GADL1: variants seen among roughly 807,000 people sequenced by gnomAD.
GADL1 encodes acidic amino acid decarboxylase GADL1.
Under a neutral mutation model 69.5 loss-of-function variants are expected in GADL1, and 71 were observed. That is an observed-to-expected ratio of 1.02 (90% confidence interval 0.84 to 1.25). The LOEUF is 1.25. Ranked by LOEUF, GADL1 falls within the 50% of genes most tolerant of loss-of-function variation. The pLI, the probability that GADL1 is intolerant of heterozygous loss-of-function variation, is 0.00. For synonymous variants in GADL1, 254 were observed against 214.4 expected, an observed-to-expected ratio of 1.18 and a Z score of -1.62; for missense variants, 737 against 631.8, an observed-to-expected ratio of 1.17 and a Z score of -1.79.
Position 30,788,082 on chromosome 3 carries a change from T to A in GADL1, c.1251-1676A>T, listed in dbSNP as rs571813755. ...CACAAAGTACCAGATGTTCTACATA[T>A]GCCATTCTCTGAACACTTTTTCAGA... On this transcript the variant is annotated intron_variant, in intron 12 of 14. Coordinates refer to ENST00000282538, the MANE Select transcript of GADL1 (RefSeq NM_207359.3). Among the ~76,000 whole-genome samples the A allele has an allele frequency of 3.9e-4, 59 of 152,326 alleles. 1 individual carries two copies. Among genetic ancestry groups the A allele is most frequent in the African/African-American group, 1.4e-3 (59 of 41,580 alleles).
intron 11 of GADL1, among the ~76,000 whole-genome samples, chr3:30,822,377 C>G (rs886553579): frequency 1.3e-5 from 2 of 151,984 alleles, no homozygotes; most frequent in African/African-American, 2.4e-5. Context: ...GTAATGCAAA[C>G]TGCTGAGCTG....
intron 1 of GADL1, among the ~76,000 whole-genome samples, chr3:30,873,629 A>G (rs1400215557): frequency 3.9e-5 from 6 of 152,018 alleles, no homozygotes; most frequent in Admixed American, 3.9e-4. Flanking sequence ...CAATTAATAT[A>G]TAGTTTTAAA....
intron 13 of GADL1, among the ~76,000 whole-genome samples, chr3:30,780,452 A>G (rs768997164): frequency 5.3e-5 from 8 of 151,984 alleles, no homozygotes; most frequent in Non-Finnish European, 7.4e-5. Context: ...ACTCCTGTTC[A>G]TTTTTAGGTT....
At chr3:30,801,508 C>G (rs988846673) in intron 11 of GADL1, among the ~76,000 whole-genome samples, 4 of 152,022 alleles carry the variant, frequency 2.6e-5, no homozygotes, top group South Asian at 4.2e-4. Flanking sequence ...TTAAGACCTT[C>G]TCTCCTTCAT....
intron 11 of GADL1, among the ~76,000 whole-genome samples, chr3:30,814,650 A>G (rs1054898008): frequency 5.9e-5 from 9 of 152,314 alleles, no homozygotes; most frequent in African/African-American, 2.2e-4. Flanking sequence ...GTGAAGAGAC[A>G]TTCCATAAGA....
chr3:30,833,026 T>A (rs1164093651), intron 11 of GADL1, among the ~76,000 whole-genome samples: 1 of 152,016 alleles, frequency 6.6e-6, no homozygotes, highest in East Asian at 1.9e-4. Context: ...TTAAAAATAG[T>A]TTTCATTTCA....
At chr3:30,768,729 A>C (rs1696347359) in intron 14 of GADL1, among the ~76,000 whole-genome samples, 1 of 152,110 alleles carries the variant, frequency 6.6e-6, no homozygotes, top group African/African-American at 2.4e-5. Flanking sequence ...TTTGAAGTGA[A>C]GAGAAGGAAC....
At chr3:30,855,618 C>G (rs1436089555) in intron 3 of GADL1, among the ~76,000 whole-genome samples, 1 of 151,956 alleles carries the variant, frequency 6.6e-6, no homozygotes, top group African/African-American at 2.4e-5. Flanking sequence ...TTTTTTCCCC[C>G]CTCCTATAAA....
chr3:30,844,614 A>T, intron 6 of GADL1, 148 bp from the exon 7 acceptor site: 1 of 630,066 alleles, frequency 1.6e-6, no homozygotes, highest in Non-Finnish European at 2.8e-6. Flanking sequence ...TGAGCTCCTT[A>T]GCATAGTGGT....
At chr3:30,854,645 A>T (rs757874638) in intron 4 of GADL1, 54 bp downstream of exon 4, 4 of 1,020,472 alleles carry the variant, frequency 3.9e-6, no homozygotes. Flanking sequence ...AATTTCATCT[A>T]CTTAAAGTCT....
intron 11 of GADL1, among the ~76,000 whole-genome samples, chr3:30,814,199 A>G (rs1447724361): frequency 6.6e-6 from 1 of 152,238 alleles, no homozygotes; most frequent in Non-Finnish European, 1.5e-5. Flanking sequence ...TGTCAAAGTC[A>G]CACAAGGCAG....
intron 9 of GADL1, among the ~76,000 whole-genome samples, chr3:30,834,901 G>A (rs958391552): frequency 6.6e-6 from 1 of 152,036 alleles, no homozygotes; most frequent in African/African-American, 2.4e-5. Flanking sequence ...ATAGTCAACA[G>A]GTCTGGAGCA....
At chr3:30,811,149 A>T (rs1219810591) in intron 11 of GADL1, among the ~76,000 whole-genome samples, 3 of 152,220 alleles carry the variant, frequency 2.0e-5, no homozygotes, top group Non-Finnish European at 4.4e-5. Flanking sequence ...ATACTTTAGT[A>T]CAAGATCTGA....
At chr3:30,849,399 A>G (rs1168052434) in intron 6 of GADL1, among the ~76,000 whole-genome samples, 1 of 152,188 alleles carries the variant, frequency 6.6e-6, no homozygotes, top group African/African-American at 2.4e-5. Flanking sequence ...TAACTCACTC[A>G]AGGTTACTCA....
intron 1 of GADL1, among the ~76,000 whole-genome samples, chr3:30,881,939 T>C (rs1698648216): frequency 6.6e-6 from 1 of 151,906 alleles, no homozygotes. Flanking sequence ...CATGGAATGA[T>C]GGAGCAAGAA....
intron 11 of GADL1, among the ~76,000 whole-genome samples, chr3:30,805,904 C>G (rs372255616): frequency 6.6e-6 from 1 of 151,852 alleles, no homozygotes; most frequent in Non-Finnish European, 1.5e-5. Context: ...ATCCCTCTTA[C>G]GCACGGTTCA....
chr3:30,770,141 A>T (rs562549660), intron 14 of GADL1, among the ~76,000 whole-genome samples: 1 of 152,148 alleles, frequency 6.6e-6, no homozygotes, highest in African/African-American at 2.4e-5. Context: ...AGTGTATCAC[A>T]GTCCCCATCA....
At chr3:30,850,312 T>C (rs1440076236) in intron 5 of GADL1, among the ~76,000 whole-genome samples, 1 of 152,142 alleles carries the variant, frequency 6.6e-6, no homozygotes, top group African/African-American at 2.4e-5. Context: ...TCTAGAACTT[T>C]TATTCTTAGA....
At chr3:30,892,461 G>T (rs1277667541) in intron 1 of GADL1, among the ~76,000 whole-genome samples, 1 of 152,188 alleles carries the variant, frequency 6.6e-6, no homozygotes, top group Non-Finnish European at 1.5e-5. Context: ...CTTATCACCT[G>T]CTCAAGGATA....
Sources: gnomAD v4.1 joint callset for allele counts (sites outside exome capture counted in the v4.1 genomes callset) on GRCh38, gnomAD v4.1.1 for gene constraint, MANE v1.5 for transcripts, NCBI Gene and HGNC (gene_info 2026-07-23, HGNC 2026-07-21) for gene names.